The following STX8 variants were observed in gnomAD, a reference collection of about 807,000 sequenced individuals.
STX8 encodes the protein syntaxin-8.
In STX8, 23 loss-of-function variants were observed where a neutral mutation model predicts 37.5. That is an observed-to-expected ratio of 0.61 (90% CI 0.44 to 0.87). The LOEUF (loss-of-function observed/expected upper bound fraction) is 0.87, where lower values mean the gene tolerates loss of function less well. Ranked by LOEUF, STX8 falls within the 40% of genes least tolerant of loss-of-function variation. The probability of loss-of-function intolerance (pLI) is 0.00; values close to 1 mark genes in which losing one functional copy is unlikely to be tolerated. For synonymous variants in STX8, 115 were observed against 99.1 expected (o/e 1.16, Z -0.95); for missense variants, 313 against 284.7 (o/e 1.10, Z -0.71).
chr17:9,490,143 G>T (rs1906791393), intron 6 of STX8, among the ~76,000 whole-genome samples: 1 of 152,186 alleles, frequency 6.6e-6, no homozygotes, highest in Non-Finnish European at 1.5e-5. Context: ...GAATTGTAAA[G>T]AGAGAAGGCT....
chr17:9,368,031 C>G (rs184204543), intron 7 of STX8, among the ~76,000 whole-genome samples: 40 of 152,084 alleles, frequency 2.6e-4, no homozygotes, highest in African/African-American at 7.7e-4. Context: ...CATGCCCAGC[C>G]AAAAGAAGGA....
chr17:9,545,924 C>G (rs1174333643), intron 3 of STX8, among the ~76,000 whole-genome samples: 2 of 152,140 alleles, frequency 1.3e-5, no homozygotes. Context: ...AATGGTGCAA[C>G]CTGGCTCAGT....
At chr17:9,335,152 G>C (rs1910096090) in intron 7 of STX8, among the ~76,000 whole-genome samples, 1 of 152,098 alleles carries the variant, frequency 6.6e-6, no homozygotes, top group South Asian at 2.1e-4. Flanking sequence ...ATCGGAATTA[G>C]CTTAGACTGT....
intron 4 of STX8, among the ~76,000 whole-genome samples, chr17:9,521,517 C>A (rs749844409): frequency 1.2e-4 from 18 of 152,156 alleles, no homozygotes; most frequent in Non-Finnish European, 1.9e-4. Flanking sequence ...ATATCTGTAG[C>A]CATATTTACT....
intron 7 of STX8, among the ~76,000 whole-genome samples, chr17:9,324,988 C>T (rs1368749995): frequency 6.6e-6 from 1 of 151,962 alleles, no homozygotes. Context: ...TGGTATAGTA[C>T]TCTCTTGTGA....
chr17:9,547,969 T>C (rs1008972962), intron 3 of STX8, among the ~76,000 whole-genome samples: 80 of 151,998 alleles, frequency 5.3e-4, no homozygotes, highest in African/African-American at 1.8e-3. Context: ...TTTTGTGGGT[T>C]TTTTTGAGAG....
chr17:9,358,705 G>C (rs967391514), intron 7 of STX8, among the ~76,000 whole-genome samples: 2 of 152,182 alleles, frequency 1.3e-5, no homozygotes, highest in Admixed American at 6.5e-5. Context: ...TGAAGGGTGG[G>C]ATGCAGCTTG....
At chr17:9,299,439 CTTTTTTT>C (rs34149994) in intron 7 of STX8, among the ~76,000 whole-genome samples, 3 of 93,038 alleles carry the variant, frequency 3.2e-5, no homozygotes, top group Non-Finnish European at 4.2e-5. Flanking sequence ...CATTCTTACG[CTTTTTTT>C]TTTTTTTTTT....
intron 7 of STX8, among the ~76,000 whole-genome samples, chr17:9,358,668 G>C (rs1300988634): frequency 6.6e-6 from 1 of 152,198 alleles, no homozygotes; most frequent in Non-Finnish European, 1.5e-5. Flanking sequence ...AGAAACCGGA[G>C]GATGGCAGGG....
At chr17:9,572,713 T>C (rs1031238969) in intron 1 of STX8, among the ~76,000 whole-genome samples, 4 of 106,892 alleles carry the variant, frequency 3.7e-5, no homozygotes, top group South Asian at 2.6e-4. Context: ...TGGCCTTTTA[T>C]AGGTTTTTCA....
rs565003221 is a variant in STX8, at chr17:9,287,463, G to A, written c.644-36818C>T. Among the ~76,000 whole-genome samples the A allele has an allele frequency of 2.6e-5, 4 of 152,292 alleles. No homozygotes were observed. In the East Asian group the frequency reaches 7.7e-4, roughly 29 times the overall value. On this transcript the variant is annotated intron_variant, in intron 7 of 7. Coordinates refer to ENST00000306357, the MANE Select transcript of STX8 (RefSeq NM_004853.3). ...GAAGAAGAAAGGGATATGACGAGAT[G>A]CTGGAAATAGGGAGATGAAATCCTG...
intron 7 of STX8, among the ~76,000 whole-genome samples, chr17:9,281,711 A>G (rs1486187889): frequency 6.6e-6 from 1 of 152,184 alleles, no homozygotes; most frequent in East Asian, 1.9e-4. Context: ...AGGCAGGTGG[A>G]TTACCTGAGG....
chr17:9,569,494 C>T (rs1460173362), intron 1 of STX8: 1 of 154,048 alleles, frequency 6.5e-6, no homozygotes, highest in Admixed American at 6.6e-5. Flanking sequence ...GGCCACACAC[C>T]CACCTGACAT....
chr17:9,304,609 G>A (rs375165030), intron 7 of STX8, among the ~76,000 whole-genome samples: 3 of 151,210 alleles, frequency 2.0e-5, no homozygotes, highest in Admixed American at 6.6e-5. Context: ...AATGTTCTAC[G>A]ATTTCTGACC....
intron 6 of STX8, among the ~76,000 whole-genome samples, chr17:9,421,360 C>G (rs1380644214): frequency 7.0e-6 from 1 of 143,828 alleles, no homozygotes; most frequent in Non-Finnish European, 1.5e-5. Context: ...CCACTGCACT[C>G]CAGCCTGGGC....
At chr17:9,554,297 C>A (rs7209563) in intron 3 of STX8, 147,423 of 152,848 alleles carry the variant, frequency 0.96, 71,253 homozygotes, top group East Asian at 1. Flanking sequence ...ACAAACAAAC[C>A]AACAAACCTC....
At chr17:9,441,435 A>C (rs1904647319) in intron 6 of STX8, among the ~76,000 whole-genome samples, 1 of 147,234 alleles carries the variant, frequency 6.8e-6, no homozygotes, top group South Asian at 2.2e-4. Context: ...GGTGGCAGTG[A>C]GCCGATGTTG....
intron 7 of STX8, among the ~76,000 whole-genome samples, chr17:9,264,774 TA>T (rs1478879718): frequency 2.0e-5 from 3 of 152,238 alleles, no homozygotes; most frequent in East Asian, 3.9e-4. Flanking sequence ...AAAAAGCATT[TA>T]AAACAATATG....
chr17:9,350,737 T>C (rs531361978), intron 7 of STX8, among the ~76,000 whole-genome samples: 1 of 152,262 alleles, frequency 6.6e-6, no homozygotes, highest in South Asian at 2.1e-4. Context: ...TTCACCATGT[T>C]GGCCAGGCTG....
Sources: allele counts gnomAD v4.1 joint callset (sites outside exome capture counted in the v4.1 genomes callset), GRCh38; gene constraint gnomAD v4.1.1; transcripts MANE v1.5; gene names NCBI Gene and HGNC (gene_info 2026-07-23, HGNC 2026-07-21).